The following EDIL3 variants were observed in gnomAD, a reference collection of about 807,000 sequenced individuals.
EDIL3 encodes the protein EGF-like repeat and discoidin I-like domain-containing protein 3.
Under a neutral mutation model 67.4 loss-of-function variants are expected in EDIL3, and 37 were observed. The ratio of observed to expected loss-of-function variants is 0.55; its 90% CI spans 0.42 to 0.72. EDIL3 has a LOEUF of 0.72. Ranked by LOEUF, EDIL3 falls within the 30% of genes least tolerant of loss-of-function variation. The pLI is 0.00. For missense variants in EDIL3, 527 were observed against 586.3 expected, an observed-to-expected ratio of 0.90 and a Z score of 1.04; for synonymous variants, 195 against 196.3, an observed-to-expected ratio of 0.99 and a Z score of 0.05.
intron 3 of EDIL3, among the ~76,000 whole-genome samples, chr5:84,229,243 C>T (rs1017651304): frequency 6.6e-6 from 1 of 152,154 alleles, no homozygotes; most frequent in Non-Finnish European, 1.5e-5. Flanking sequence ...CATTTGCATT[C>T]TTCATTGCAC....
intron 1 of EDIL3, among the ~76,000 whole-genome samples, chr5:84,372,090 C>T (rs305643): frequency 2.6e-5 from 4 of 151,978 alleles, no homozygotes; most frequent in African/African-American, 9.7e-5. Flanking sequence ...TACAGACTAA[C>T]GTATGTGGCG....
intron 6 of EDIL3, among the ~76,000 whole-genome samples, chr5:84,094,485 C>A (rs553610365): frequency 6.6e-6 from 1 of 151,874 alleles, no homozygotes; most frequent in Non-Finnish European, 1.5e-5. Context: ...TGTAATTCAG[C>A]TTCTGTAACT....
At chr5:84,278,337 T>C (rs1218772466) in intron 1 of EDIL3, among the ~76,000 whole-genome samples, 2 of 152,162 alleles carry the variant, frequency 1.3e-5, no homozygotes, top group Non-Finnish European at 2.9e-5. Flanking sequence ...AACTTGAACA[T>C]ACATAGAGAG....
chr5:84,291,339 T>C (rs1745910179), intron 1 of EDIL3, among the ~76,000 whole-genome samples: 2 of 152,130 alleles, frequency 1.3e-5, no homozygotes, highest in Non-Finnish European at 2.9e-5. Context: ...CCGGTTTGCC[T>C]GAATATAAAG....
At chr5:84,287,825 C>T (rs1459785257) in intron 1 of EDIL3, among the ~76,000 whole-genome samples, 1 of 151,966 alleles carries the variant, frequency 6.6e-6, no homozygotes, top group East Asian at 1.9e-4. Flanking sequence ...CTTCTCTAGC[C>T]ATTCCTTCTT....
At chr5:84,124,675 G>A (rs1747835256) in intron 5 of EDIL3, among the ~76,000 whole-genome samples, 1 of 147,846 alleles carries the variant, frequency 6.8e-6, no homozygotes, top group East Asian at 2.0e-4. Context: ...TAATAATACT[G>A]CTACCCAAGG....
At chr5:84,067,304 C>A (rs866803804) in intron 6 of EDIL3, among the ~76,000 whole-genome samples, 2 of 152,194 alleles carry the variant, frequency 1.3e-5, no homozygotes, top group African/African-American at 4.8e-5. Flanking sequence ...TAACATACAT[C>A]AAATAAAATT....
intron 10 of EDIL3, among the ~76,000 whole-genome samples, chr5:83,958,199 C>A (rs1027169725): frequency 1.3e-5 from 2 of 151,560 alleles, no homozygotes; most frequent in South Asian, 4.1e-4. Context: ...TTTTTGGCAT[C>A]AATTAGCCAT....
At chr5:83,950,570 C>A (rs1438247449) in intron 10 of EDIL3, among the ~76,000 whole-genome samples, 2 of 151,808 alleles carry the variant, frequency 1.3e-5, no homozygotes, top group East Asian at 2.0e-4. Flanking sequence ...AAAGGACAAT[C>A]CATTGAAATT....
intron 3 of EDIL3, among the ~76,000 whole-genome samples, chr5:84,197,256 G>C (rs1246832943): frequency 6.6e-6 from 1 of 152,008 alleles, no homozygotes; most frequent in African/African-American, 2.4e-5. Flanking sequence ...AGTGAATACA[G>C]AGAGTTCTGG....
chr5:84,057,961 T>G (rs1427906955), intron 9 of EDIL3, among the ~76,000 whole-genome samples: 1 of 151,984 alleles, frequency 6.6e-6, no homozygotes, highest in Admixed American at 6.6e-5. Context: ...AGTGACAAAA[T>G]TACAGACGAT....
intron 2 of EDIL3, among the ~76,000 whole-genome samples, chr5:84,231,755 T>C (rs904399416): frequency 4.3e-4 from 65 of 152,326 alleles, no homozygotes; most frequent in African/African-American, 1.5e-3. Flanking sequence ...GTCCAAAATA[T>C]ATCATAACAT....
At chr5:83,947,517 T>C (rs1244622578) in intron 10 of EDIL3, among the ~76,000 whole-genome samples, 1 of 151,806 alleles carries the variant, frequency 6.6e-6, no homozygotes, top group Non-Finnish European at 1.5e-5. Context: ...CAGTCTTTGG[T>C]AGCTCTGATC....
intron 6 of EDIL3, among the ~76,000 whole-genome samples, chr5:84,101,443 T>C (rs974291350): frequency 6.6e-6 from 1 of 152,008 alleles, no homozygotes; most frequent in Non-Finnish European, 1.5e-5. Context: ...GATAGACTGC[T>C]AGCTAGATTA....
At chr5:84,186,610 C>G (rs1743455431) in intron 3 of EDIL3, among the ~76,000 whole-genome samples, 1 of 151,926 alleles carries the variant, frequency 6.6e-6, no homozygotes, top group Non-Finnish European at 1.5e-5. Context: ...CTAGGATTTC[C>G]TAGTGGCAAC....
At chr5:84,115,649 AT>A (rs2112292805) in intron 5 of EDIL3, among the ~76,000 whole-genome samples, 1 of 152,318 alleles carries the variant, frequency 6.6e-6, no homozygotes, top group Non-Finnish European at 1.5e-5. Flanking sequence ...CTTAAGATGT[AT>A]TCTTTTAAAA....
chr5:84,149,227 C>A (rs1052986579), intron 4 of EDIL3, among the ~76,000 whole-genome samples: 1 of 152,130 alleles, frequency 6.6e-6, no homozygotes, highest in Admixed American at 6.5e-5. Flanking sequence ...GATCTGCAGT[C>A]CTGAACACTG....
chr5:84,087,268 A>G (rs1007511886), intron 6 of EDIL3, among the ~76,000 whole-genome samples: 1 of 152,208 alleles, frequency 6.6e-6, no homozygotes, highest in Admixed American at 6.5e-5. Context: ...CTTCACAACA[A>G]TTTTAAGAGG....
At chr5:84,268,137 CAATA>C (rs541817411) in intron 1 of EDIL3, among the ~76,000 whole-genome samples, 5 of 151,122 alleles carry the variant, frequency 3.3e-5, no homozygotes, top group Admixed American at 1.3e-4. Context: ...ATCTCGTCTC[CAATA>C]AATAAATAAA....
Sources: gnomAD v4.1 joint callset for allele counts (sites outside exome capture counted in the v4.1 genomes callset) on GRCh38, gnomAD v4.1.1 for gene constraint, MANE v1.5 for transcripts, NCBI Gene and HGNC (gene_info 2026-07-23, HGNC 2026-07-21) for gene names.